TMEFF2: variants seen among roughly 807,000 people sequenced by gnomAD.
TMEFF2 encodes the protein tomoregulin-2.
A neutral mutation model predicts 53.8 loss-of-function variants in TMEFF2; 28 were observed. That is an observed-to-expected ratio of 0.52 (90% CI 0.39 to 0.71). The LOEUF is 0.71. TMEFF2 is among the 30% of genes least tolerant of loss of function. The pLI is 0.00. For missense variants in TMEFF2, 353 were observed against 455.2 expected, an observed-to-expected ratio of 0.78 and a Z score of 2.04; for synonymous variants, 162 against 166.3, an observed-to-expected ratio of 0.97 and a Z score of 0.20.
intron 4 of TMEFF2, among the ~76,000 whole-genome samples, chr2:192,088,176 C>T (rs1167863870): frequency 6.9e-6 from 1 of 145,740 alleles, no homozygotes; most frequent in African/African-American, 2.5e-5. Context: ...TTACCATAAG[C>T]TCATATCAAA....
At position 191,950,231 on chromosome 2, in the gene TMEFF2, T is replaced by TGGGG; in HGVS notation, c.*79_*80insCCCC. 6.9e-7 allele frequency: 1 copy of TGGGG among 1,440,522 alleles called. No individual in the cohort carries two copies. Among genetic ancestry groups the TGGGG allele is most frequent in the South Asian group, 1.4e-5 (1 of 70,844 alleles). 89.2% of individuals were successfully genotyped at this position (1,440,522 alleles called of 1,614,324 possible). Reference sequence around the variant, plus strand: ...ATGCAAGGCAACATGTGTAGATCTCTTGTCTTATTCTTTTGTCTATAATAC... The same window carrying TGGGG: ...ATGCAAGGCAACATGTGTAGATCTCTGGGGTGTCTTATTCTTTTGTCTATAATAC... On this transcript the variant is annotated 3_prime_UTR_variant, in exon 10 of 10. Transcript: ENST00000272771.
chr2:192,018,696 C>T (rs917524684), intron 5 of TMEFF2, among the ~76,000 whole-genome samples: 2 of 152,046 alleles, frequency 1.3e-5, no homozygotes, highest in Non-Finnish European at 2.9e-5. Flanking sequence ...AATTTTGATC[C>T]AATATATTTT....
chr2:192,079,563 T>C (rs1688506978), intron 4 of TMEFF2, among the ~76,000 whole-genome samples: 1 of 152,164 alleles, frequency 6.6e-6, no homozygotes, highest in South Asian at 2.1e-4. Flanking sequence ...GAGGGAGAAA[T>C]AAACTTTATT....
At chr2:192,128,464 A>G (rs146096257) in intron 4 of TMEFF2, among the ~76,000 whole-genome samples, 193 of 152,346 alleles carry the variant, frequency 1.3e-3, no homozygotes, top group African/African-American at 4.1e-3. Flanking sequence ...CAGATCTAAC[A>G]TTTTGACAAA....
intron 5 of TMEFF2, among the ~76,000 whole-genome samples, chr2:192,052,408 G>T (rs1053549524): frequency 1.3e-5 from 2 of 152,154 alleles, no homozygotes; most frequent in African/African-American, 4.8e-5. Flanking sequence ...GAAAGTTCCA[G>T]GCTAATTACT....
At chr2:192,027,691 A>G (rs994728543) in intron 5 of TMEFF2, among the ~76,000 whole-genome samples, 6 of 152,340 alleles carry the variant, frequency 3.9e-5, no homozygotes, top group African/African-American at 1.4e-4. Context: ...CAGTGCACAC[A>G]GGGCACACAG....
chr2:192,178,615 T>C (rs1379472341), intron 4 of TMEFF2: 1 of 151,248 alleles, frequency 6.6e-6, no homozygotes, highest in African/African-American at 2.4e-5. Flanking sequence ...TTATGTTCTG[T>C]GGGTATTGCT....
chr2:191,999,041 A>C lies in TMEFF2; in HGVS notation c.685+19T>G, dbSNP rs570559368. 1.7e-5 allele frequency: 26 copies of C among 1,575,302 alleles called. No homozygotes were observed. The South Asian group carries it at 2.7e-4, about 16-fold the overall frequency. The stretch of plus-strand genomic sequence containing the variant: ...AGACTAAAATCATTCTTTGAAATGA[A>C]TTTTGGTATGAACATTACCTTGACA... On this transcript the variant is annotated intron_variant, in intron 6 of 9. Transcript: ENST00000272771.
rs1198204244 is a variant in TMEFF2 at position 192,145,307 on chromosome 2, C to T, written c.439+34361G>A. Among the ~76,000 whole-genome samples the T allele has an allele frequency of 4.0e-5, 6 of 151,784 alleles. No individual in the cohort carries two copies. The South Asian group carries it at 8.3e-4, about 21-fold the overall frequency. ...TCTATAAATTCAGTAACGAATGTCACGAATCTTCATTGTATATAAGAACTT... is the reference window on the plus strand; with the variant it reads ...TCTATAAATTCAGTAACGAATGTCATGAATCTTCATTGTATATAAGAACTT... On this transcript the variant is annotated intron_variant, in intron 4 of 9. Coordinates refer to ENST00000272771, the MANE Select transcript of TMEFF2 (RefSeq NM_016192.4).
intron 7 of TMEFF2, 129 bp downstream of exon 7, chr2:191,998,133 A>C (rs1001292195): frequency 1.5e-6 from 1 of 688,468 alleles, no homozygotes; most frequent in Non-Finnish European, 2.3e-6. Flanking sequence ...AGCTTGAACT[A>C]AGCAAGAGAA....
At chr2:192,161,244 G>C (rs1574424851) in intron 4 of TMEFF2, among the ~76,000 whole-genome samples, 2 of 151,934 alleles carry the variant, frequency 1.3e-5, no homozygotes, top group East Asian at 1.9e-4. Flanking sequence ...TCTTGGCTCA[G>C]TGCAACCTCC....
intron 4 of TMEFF2, among the ~76,000 whole-genome samples, chr2:192,134,897 T>G (rs920730798): frequency 2.0e-5 from 3 of 152,184 alleles, no homozygotes; most frequent in African/African-American, 7.2e-5. Flanking sequence ...AGTGACAGAC[T>G]AATGGTCTAT....
intron 7 of TMEFF2, among the ~76,000 whole-genome samples, chr2:191,959,937 C>T (rs1024956478): frequency 2.6e-5 from 4 of 152,230 alleles, no homozygotes; most frequent in Middle Eastern, 3.4e-3. Flanking sequence ...AATGCAGTGG[C>T]GTGATTTTGG....
intron 5 of TMEFF2, among the ~76,000 whole-genome samples, chr2:192,008,026 C>CTG (rs1387139017): frequency 9.9e-5 from 15 of 152,146 alleles, no homozygotes; most frequent in East Asian, 3.9e-4. Flanking sequence ...AGGGAGGCAG[C>CTG]TGTGTGTGTG....
chr2:192,188,533 G>T (rs1335307711), intron 2 of TMEFF2, among the ~76,000 whole-genome samples: 1 of 152,086 alleles, frequency 6.6e-6, no homozygotes, highest in Non-Finnish European at 1.5e-5. Flanking sequence ...TACCAAAATG[G>T]CAGATTCATC....
At chr2:192,185,379 A>T (rs1186236047) in intron 2 of TMEFF2, among the ~76,000 whole-genome samples, 1 of 151,742 alleles carries the variant, frequency 6.6e-6, no homozygotes, top group Non-Finnish European at 1.5e-5. Flanking sequence ...TATGTGCTTC[A>T]TTGTTTAATT....
intron 4 of TMEFF2, among the ~76,000 whole-genome samples, chr2:192,079,522 C>T (rs916919316): frequency 2.0e-5 from 3 of 152,066 alleles, no homozygotes; most frequent in Admixed American, 6.5e-5. Flanking sequence ...CAAAGCTGTT[C>T]ATCTGTTCTG....
At chr2:192,130,901 C>G (rs1376913865) in intron 4 of TMEFF2, among the ~76,000 whole-genome samples, 1 of 150,210 alleles carries the variant, frequency 6.7e-6, no homozygotes, top group South Asian at 2.2e-4. Flanking sequence ...AAAACTCCGG[C>G]GCTGGTCACG....
intron 4 of TMEFF2, among the ~76,000 whole-genome samples, chr2:192,163,613 G>T (rs895767071): frequency 4.1e-4 from 62 of 152,268 alleles, no homozygotes; most frequent in African/African-American, 1.4e-3. Flanking sequence ...TTATTGAAAA[G>T]CCACTAGTTA....
Sources: gnomAD v4.1 joint callset for allele counts (sites outside exome capture counted in the v4.1 genomes callset) on GRCh38, gnomAD v4.1.1 for gene constraint, MANE v1.5 for transcripts, NCBI Gene and HGNC (gene_info 2026-07-23, HGNC 2026-07-21) for gene names.